The following AGBL4 variants were observed in gnomAD, a reference collection of about 807,000 sequenced individuals.
The protein encoded by AGBL4 is cytosolic carboxypeptidase 6.
AGBL4 carries 58 observed loss-of-function variants against 66.4 expected under a neutral mutation model. The observed-to-expected ratio is 0.87, with a 90% CI of 0.71 to 1.09. The LOEUF is 1.09. Ranked by LOEUF, AGBL4 falls within the 50% of genes least tolerant of loss-of-function variation. AGBL4 has a pLI of 0.00. For synonymous variants in AGBL4, 234 were observed against 222.9 expected, an observed-to-expected ratio of 1.05 and a Z score of -0.44; for missense variants, 579 against 631.0, an observed-to-expected ratio of 0.92 and a Z score of 0.88.
intron 3 of AGBL4, among the ~76,000 whole-genome samples, chr1:49,597,924 G>A (rs529358187): frequency 3.3e-5 from 5 of 152,264 alleles, no homozygotes; most frequent in African/African-American, 7.2e-5. Context: ...GGGCTGAGCC[G>A]ATGGGGTTTT....
chr1:49,834,598 AT>A (rs2148024540), intron 2 of AGBL4, among the ~76,000 whole-genome samples: 1 of 151,954 alleles, frequency 6.6e-6, no homozygotes, highest in South Asian at 2.1e-4. Flanking sequence ...GATCTTAGTT[AT>A]TTCTTGTCTT....
intron 4 of AGBL4, among the ~76,000 whole-genome samples, chr1:49,223,543 C>A (rs1160514550): frequency 6.6e-6 from 1 of 152,162 alleles, no homozygotes; most frequent in Non-Finnish European, 1.5e-5. Context: ...AGACTAACTA[C>A]ATAATTTGTG....
chr1:49,588,192 C>G (rs921305101), intron 3 of AGBL4, among the ~76,000 whole-genome samples: 10 of 152,164 alleles, frequency 6.6e-5, no homozygotes, highest in African/African-American at 2.4e-4. Context: ...CTATGCCCAG[C>G]AAAATCTTAG....
intron 5 of AGBL4, among the ~76,000 whole-genome samples, chr1:49,028,613 A>G (rs6588205): frequency 0.44 from 66,676 of 151,980 alleles, 16,879 homozygotes; most frequent in Non-Finnish European, 0.58. Flanking sequence ...TTCCAATAAG[A>G]TTAATAGCTG....
At chr1:49,223,662 C>T (rs997851923) in intron 4 of AGBL4, among the ~76,000 whole-genome samples, 1 of 152,154 alleles carries the variant, frequency 6.6e-6, no homozygotes, top group Admixed American at 6.5e-5. Context: ...AATGCAGGGT[C>T]CTGTATGACG....
At chr1:49,282,943 G>T (rs994757243) in intron 3 of AGBL4, among the ~76,000 whole-genome samples, 1 of 152,206 alleles carries the variant, frequency 6.6e-6, no homozygotes, top group Non-Finnish European at 1.5e-5. Context: ...GAGGCTGGGG[G>T]AGGGGCGCCC....
At chr1:49,680,385 A>C (rs1306698341) in intron 3 of AGBL4, among the ~76,000 whole-genome samples, 1 of 139,632 alleles carries the variant, frequency 7.2e-6, no homozygotes, top group East Asian at 2.1e-4. Flanking sequence ...TCCTTTTAAG[A>C]ACTTCTTTTA....
chr1:48,647,679 C>T (rs941851694), intron 8 of AGBL4: 6 of 425,240 alleles, frequency 1.4e-5, no homozygotes, highest in Non-Finnish European at 1.9e-5. Context: ...TTTTCAAATG[C>T]AGGCAACTTC....
chr1:49,288,977 G>C (rs917166372), intron 3 of AGBL4, among the ~76,000 whole-genome samples: 1 of 151,530 alleles, frequency 6.6e-6, no homozygotes, highest in African/African-American at 2.4e-5. Flanking sequence ...TTACAGACAT[G>C]TCAAGAAATA....
At chr1:49,002,194 G>T (rs531939515) in intron 5 of AGBL4, among the ~76,000 whole-genome samples, 3 of 152,168 alleles carry the variant, frequency 2.0e-5, no homozygotes, top group Admixed American at 6.5e-5. Flanking sequence ...GAGGCAGAGG[G>T]TCATAAACAC....
chr1:49,967,263 G>A (rs867252213), intron 1 of AGBL4, among the ~76,000 whole-genome samples: 5 of 152,194 alleles, frequency 3.3e-5, no homozygotes, highest in Middle Eastern at 3.4e-3. Flanking sequence ...CCAGTGAACC[G>A]AAATGTCCAT....
intron 4 of AGBL4, among the ~76,000 whole-genome samples, chr1:49,066,877 A>G (rs560895452): frequency 2.6e-5 from 4 of 152,260 alleles, no homozygotes; most frequent in Admixed American, 2.0e-4. Context: ...GCTATCTCCA[A>G]TTTCCAAATT....
At position 48,641,977 on chromosome 1, in the gene AGBL4, C is replaced by T. The variant is rs72901119; in HGVS notation, c.840-7373G>A. 4.6e-3 allele frequency among the ~76,000 whole-genome samples: 696 copies of T among 152,136 alleles called. 1 individual carries two copies. The highest frequency in any genetic ancestry group is 0.015 in the African/African-American group (633 of 41,500). The stretch of plus-strand genomic sequence containing the variant: ...TGAAAGGTTCCTTTACGCAAACTGA[C>T]GAAAGGTGCTACCCCCTACCACCCA... On this transcript the variant is annotated intron_variant, in intron 8 of 13. Coordinates refer to ENST00000371839, the MANE Select transcript of AGBL4 (RefSeq NM_032785.4).
intron 4 of AGBL4, among the ~76,000 whole-genome samples, chr1:49,073,117 A>C (rs1644642834): frequency 6.6e-6 from 1 of 152,030 alleles, no homozygotes; most frequent in South Asian, 2.1e-4. Flanking sequence ...GTTCTCCTCT[A>C]CACTGGTTAT....
chr1:49,441,246 A>G (rs1347625742), intron 3 of AGBL4, among the ~76,000 whole-genome samples: 11 of 152,214 alleles, frequency 7.2e-5, no homozygotes, highest in Admixed American at 1.3e-4. Flanking sequence ...AAATCTGGAG[A>G]ACAGGCATGG....
chr1:48,818,362 T>C (rs1270957656), intron 6 of AGBL4: 2 of 682,994 alleles, frequency 2.9e-6, no homozygotes, highest in East Asian at 5.4e-5. Flanking sequence ...ACATGAAACA[T>C]TGCACTAAGT....
At chr1:49,173,110 A>T (rs1013410880) in intron 4 of AGBL4, among the ~76,000 whole-genome samples, 3 of 151,738 alleles carry the variant, frequency 2.0e-5, no homozygotes, top group Non-Finnish European at 4.4e-5. Context: ...CAAGAGTGAA[A>T]CTCTGTCTCA....
At chr1:48,951,516 G>T (rs551301017) in intron 5 of AGBL4, among the ~76,000 whole-genome samples, 2 of 152,250 alleles carry the variant, frequency 1.3e-5, no homozygotes, top group Admixed American at 6.5e-5. Context: ...GGAACTTCAG[G>T]AGGTAATTAG....
At chr1:49,138,906 T>G (rs1646064025) in intron 4 of AGBL4, among the ~76,000 whole-genome samples, 1 of 152,162 alleles carries the variant, frequency 6.6e-6, no homozygotes, top group African/African-American at 2.4e-5. Flanking sequence ...GAAAAGAGGT[T>G]GAACTGATTC....
Sources: allele counts gnomAD v4.1 joint callset (sites outside exome capture counted in the v4.1 genomes callset), GRCh38; gene constraint gnomAD v4.1.1; transcripts MANE v1.5; gene names NCBI Gene and HGNC (gene_info 2026-07-23, HGNC 2026-07-21).